The following CNTNAP2 variants were observed in gnomAD, a reference collection of about 807,000 sequenced individuals.
The protein encoded by CNTNAP2 is contactin-associated protein-like 2.
In CNTNAP2, 98 loss-of-function variants were observed where a neutral mutation model predicts 155.2. The ratio of observed to expected loss-of-function variants is 0.63; its 90% CI spans 0.54 to 0.75. CNTNAP2 has a LOEUF of 0.75. Among genes scored for constraint, CNTNAP2 ranks in the 30% least tolerant of loss-of-function variants. The probability of loss-of-function intolerance (pLI) is 0.00; values close to 1 mark genes in which losing one functional copy is unlikely to be tolerated. For synonymous variants in CNTNAP2, 651 were observed against 631.2 expected (o/e 1.03, Z -0.47); for missense variants, 1,727 against 1,688.1 (o/e 1.02, Z -0.40).
At chr7:147,805,409 G>C (rs976003360) in intron 13 of CNTNAP2, among the ~76,000 whole-genome samples, 1 of 152,156 alleles carries the variant, frequency 6.6e-6, no homozygotes, top group African/African-American at 2.4e-5. Flanking sequence ...ATTTGGATGA[G>C]CTTTATTTCT....
intron 3 of CNTNAP2, among the ~76,000 whole-genome samples, chr7:146,970,310 A>G (rs1011433073): frequency 9.9e-5 from 15 of 152,046 alleles, no homozygotes; most frequent in Non-Finnish European, 1.9e-4. Flanking sequence ...CAACCTACTC[A>G]TCTGACAAAG....
chr7:146,876,132 ATAAT>A (rs1562983255), intron 3 of CNTNAP2, among the ~76,000 whole-genome samples: 2 of 151,868 alleles, frequency 1.3e-5, no homozygotes, highest in East Asian at 1.9e-4. Flanking sequence ...TCCAAATAAA[ATAAT>A]TAAATCAGTC....
Position 147,407,486 on chromosome 7 carries a change from A to G in CNTNAP2, c.1670+11706A>G, listed in dbSNP as rs1797027623. On this transcript the variant is annotated intron_variant, in intron 10 of 23. Coordinates refer to ENST00000361727, the MANE Select transcript of CNTNAP2 (RefSeq NM_014141.6). Reference sequence around the variant, plus strand: ...CCCTCTCAAAAAAAAAAAAAAAAAAAAAAAAAAAAAAAAAAAAAGAAATAC... The same window carrying G: ...CCCTCTCAAAAAAAAAAAAAAAAAAGAAAAAAAAAAAAAAAAAAGAAATAC... Among the ~76,000 whole-genome samples, 2 of 148,054 alleles carry G rather than the reference A, an allele frequency of 1.4e-5. 1 individual carries two copies. The highest frequency in any genetic ancestry group is 3.0e-5 in the Non-Finnish European group (2 of 66,892).
intron 13 of CNTNAP2, among the ~76,000 whole-genome samples, chr7:147,890,629 G>A (rs1799673976): frequency 6.6e-6 from 1 of 152,116 alleles, no homozygotes; most frequent in African/African-American, 2.4e-5. Context: ...AGAGAAAGCA[G>A]GATTTAAACA....
chr7:147,740,107 T>C (rs1289485869), intron 13 of CNTNAP2, among the ~76,000 whole-genome samples: 1 of 152,200 alleles, frequency 6.6e-6, no homozygotes, highest in Non-Finnish European at 1.5e-5. Flanking sequence ...AGGTTTAGTT[T>C]AGTCCCATAG....
chr7:148,266,184 A>G (rs10233855), intron 20 of CNTNAP2, among the ~76,000 whole-genome samples: 30,561 of 152,196 alleles, frequency 0.2, 4,414 homozygotes, highest in African/African-American at 0.41. Flanking sequence ...TGCTGACCTT[A>G]GCACGTATTA....
chr7:148,263,743 A>T (rs1228486264), intron 20 of CNTNAP2, among the ~76,000 whole-genome samples: 3 of 151,890 alleles, frequency 2.0e-5, no homozygotes, highest in African/African-American at 7.3e-5. Context: ...TCCCAAAAAA[A>T]AAAAAAAGAA....
intron 18 of CNTNAP2, among the ~76,000 whole-genome samples, chr7:148,203,145 A>C (rs187847614): frequency 8.3e-4 from 126 of 152,288 alleles, no homozygotes; most frequent in Non-Finnish European, 1.5e-3. Context: ...TAATGGTAGA[A>C]ATACATCACT....
At chr7:146,416,276 C>CTA (rs1212142721) in intron 1 of CNTNAP2, among the ~76,000 whole-genome samples, 2 of 149,870 alleles carry the variant, frequency 1.3e-5, no homozygotes, top group African/African-American at 4.9e-5. Context: ...ACATATATAC[C>CTA]TATATATATA....
At chr7:147,108,962 T>C (rs964219824) in intron 5 of CNTNAP2, among the ~76,000 whole-genome samples, 6 of 152,152 alleles carry the variant, frequency 3.9e-5, no homozygotes, top group Middle Eastern at 3.4e-3. Context: ...ATAAATGCTG[T>C]GAGTTATTAA....
At chr7:148,200,508 T>C (rs1795352019) in intron 18 of CNTNAP2, among the ~76,000 whole-genome samples, 1 of 151,674 alleles carries the variant, frequency 6.6e-6, no homozygotes, top group Admixed American at 6.6e-5. Flanking sequence ...AATCCTCCCT[T>C]CCTAGCCTCC....
At chr7:147,665,687 A>G (rs1444769773) in intron 13 of CNTNAP2, among the ~76,000 whole-genome samples, 2 of 152,108 alleles carry the variant, frequency 1.3e-5, no homozygotes, top group Non-Finnish European at 2.9e-5. Flanking sequence ...TGTTCACATC[A>G]TTTAGCTCCC....
intron 3 of CNTNAP2, among the ~76,000 whole-genome samples, chr7:146,951,054 G>C (rs1048966576): frequency 6.6e-6 from 1 of 152,122 alleles, no homozygotes; most frequent in African/African-American, 2.4e-5. Flanking sequence ...ATGATTATGA[G>C]CTTTTTTTCA....
intron 9 of CNTNAP2, among the ~76,000 whole-genome samples, chr7:147,347,059 G>A (rs187596320): frequency 2.0e-5 from 3 of 152,222 alleles, no homozygotes; most frequent in African/African-American, 7.2e-5. Flanking sequence ...CTATTGTTTA[G>A]TGGAAGAGAT....
intron 16 of CNTNAP2, among the ~76,000 whole-genome samples, chr7:148,126,931 A>G (rs981425971): frequency 6.6e-6 from 1 of 152,176 alleles, no homozygotes; most frequent in Non-Finnish European, 1.5e-5. Context: ...GTGGACTGCA[A>G]TCAGAGGAAG....
chr7:148,298,991 T>C (rs1216961134), intron 21 of CNTNAP2, among the ~76,000 whole-genome samples: 2 of 151,864 alleles, frequency 1.3e-5, no homozygotes, highest in Non-Finnish European at 2.9e-5. Flanking sequence ...CCAACTTTTT[T>C]TTTTTTTCTT....
At chr7:146,871,592 G>C (rs1247043439) in intron 3 of CNTNAP2, among the ~76,000 whole-genome samples, 5 of 151,606 alleles carry the variant, frequency 3.3e-5, no homozygotes, top group African/African-American at 1.2e-4. Context: ...CATGAGCTCA[G>C]TCATCAATGA....
chr7:147,981,680 G>A (rs73747307), intron 15 of CNTNAP2, among the ~76,000 whole-genome samples: 2,707 of 151,994 alleles, frequency 0.018, 89 homozygotes, highest in African/African-American at 0.062. Context: ...GCTTTGATTC[G>A]TCTGAACTCA....
intron 8 of CNTNAP2, among the ~76,000 whole-genome samples, chr7:147,227,145 G>A (rs1013647687): frequency 3.3e-5 from 5 of 152,164 alleles, no homozygotes; most frequent in Admixed American, 3.3e-4. Context: ...CAAGTCAGGA[G>A]GTTATTCATG....
Sources: gnomAD v4.1 joint callset for allele counts (sites outside exome capture counted in the v4.1 genomes callset) on GRCh38, gnomAD v4.1.1 for gene constraint, MANE v1.5 for transcripts, NCBI Gene and HGNC (gene_info 2026-07-23, HGNC 2026-07-21) for gene names.